YTHDC2: variants seen among roughly 807,000 people sequenced by gnomAD.
YTHDC2 encodes YTH N6-methyladenosine RNA binding protein C2.
In YTHDC2, 45 loss-of-function variants were observed where a neutral mutation model predicts 174.9. The ratio of observed to expected loss-of-function variants is 0.26; its 90% CI spans 0.20 to 0.33. YTHDC2 has a LOEUF of 0.33. YTHDC2 is among the 10% of genes least tolerant of loss of function. The probability of loss-of-function intolerance (pLI) is 1.00; values close to 1 mark genes in which losing one functional copy is unlikely to be tolerated. For missense variants in YTHDC2, 1,650 were observed against 1,723.7 expected, an observed-to-expected ratio of 0.96 and a Z score of 0.76; for synonymous variants, 657 against 574.5, an observed-to-expected ratio of 1.14 and a Z score of -2.05.
chr5:113,537,512 T>C (rs554044386), intron 7 of YTHDC2, among the ~76,000 whole-genome samples: 3 of 152,110 alleles, frequency 2.0e-5, no homozygotes, highest in Admixed American at 2.0e-4. Flanking sequence ...AATAGTGGTA[T>C]TCTCTAGAAT....
intron 20 of YTHDC2, 142 bp from the exon 21 acceptor site, chr5:113,565,751 C>T (rs771995085): frequency 4.6e-5 from 34 of 746,214 alleles, no homozygotes; most frequent in Admixed American, 2.0e-4. Context: ...ATTATTTGAT[C>T]ATAAAGTCTT....
At chr5:113,529,540 C>T (rs1480021947) in intron 4 of YTHDC2, among the ~76,000 whole-genome samples, 2 of 152,070 alleles carry the variant, frequency 1.3e-5, no homozygotes, top group Non-Finnish European at 2.9e-5. Flanking sequence ...AAAGCTTGGG[C>T]AAGAATGGAT....
At chr5:113,525,743 AT>A in intron 3 of YTHDC2, among the ~76,000 whole-genome samples, 1 of 152,280 alleles carries the variant, frequency 6.6e-6, no homozygotes. Flanking sequence ...GGGTTATAAA[AT>A]AAAGATGTAA....
rs181053167 is a variant in YTHDC2, at chr5:113,530,204, A to C, written c.676-2675A>C. Among the ~76,000 whole-genome samples the C allele has an allele frequency of 2.6e-4, 39 of 152,162 alleles. No individual in the cohort carries two copies. In the East Asian group the frequency reaches 6.9e-3, roughly 27 times the overall value. On this transcript the variant is annotated intron_variant, in intron 4 of 29. Coordinates refer to ENST00000161863, the MANE Select transcript of YTHDC2 (RefSeq NM_022828.5). The stretch of plus-strand genomic sequence containing the variant: ...CAGGTAGGAATTTTACTTTTTCTTC[A>C]TGTTATTTCCAGCTCAAATATAACT...
At chr5:113,583,492 A>G (rs115604889) in intron 25 of YTHDC2, 1 of 151,496 alleles carries the variant, frequency 6.6e-6, no homozygotes, top group Non-Finnish European at 1.5e-5. Flanking sequence ...ATTTATTTTT[A>G]TATTTTATTT....
chr5:113,585,200 T>TA (rs138455645), intron 26 of YTHDC2, among the ~76,000 whole-genome samples: 70 of 148,552 alleles, frequency 4.7e-4, no homozygotes, highest in African/African-American at 8.4e-4. Context: ...GTGGTTATAT[T>TA]AAAAAAAAAA....
At chr5:113,525,283 A>C (rs1177667361) in intron 3 of YTHDC2, 106 bp downstream of exon 3, 1 of 954,940 alleles carries the variant, frequency 1.0e-6, no homozygotes, top group Admixed American at 3.1e-5. Flanking sequence ...AGATTTCTCA[A>C]TTGGAATAGT....
chr5:113,518,651 C>G (rs1388488023), intron 2 of YTHDC2, among the ~76,000 whole-genome samples: 4 of 151,222 alleles, frequency 2.6e-5, no homozygotes. Context: ...TGAGAGGCCA[C>G]CTGGTGTAAA....
intron 26 of YTHDC2, among the ~76,000 whole-genome samples, chr5:113,586,332 G>C (rs1455043618): frequency 6.6e-6 from 1 of 151,846 alleles, no homozygotes; most frequent in Non-Finnish European, 1.5e-5. Flanking sequence ...TCAAATCTTA[G>C]TTCACTTTTT....
intron 10 of YTHDC2, 85 bp from the exon 11 acceptor site, chr5:113,548,456 T>C: frequency 2.3e-6 from 3 of 1,329,276 alleles, no homozygotes; most frequent in Non-Finnish European, 2.0e-6. Context: ...GAAACTCAGT[T>C]CTGCTATTTC....
At chr5:113,575,530 C>T (rs1475099829) in intron 23 of YTHDC2, among the ~76,000 whole-genome samples, 3 of 152,108 alleles carry the variant, frequency 2.0e-5, no homozygotes, top group African/African-American at 7.2e-5. Flanking sequence ...ACATGAAAAG[C>T]AGAAATGTGC....
At chr5:113,535,968 A>G (rs1397590097) in intron 7 of YTHDC2, among the ~76,000 whole-genome samples, 170 bp downstream of exon 7, 5 of 152,284 alleles carry the variant, frequency 3.3e-5, no homozygotes, top group South Asian at 2.1e-4. Flanking sequence ...CTCCTTTTCT[A>G]TCAACAGCTC....
At chr5:113,533,188 T>C (rs1561637064) in intron 5 of YTHDC2, 143 bp downstream of exon 5, 3 of 859,340 alleles carry the variant, frequency 3.5e-6, no homozygotes, top group Non-Finnish European at 5.2e-6. Context: ...ATTAAAGTCA[T>C]GTCTAAATCT....
chr5:113,574,742 C>A (rs529606948), intron 23 of YTHDC2, among the ~76,000 whole-genome samples: 2 of 152,306 alleles, frequency 1.3e-5, no homozygotes, highest in South Asian at 4.1e-4. Context: ...CAGCCCCCTT[C>A]CTAGGGATAT....
chr5:113,577,396 G>A (rs1343425384), intron 23 of YTHDC2, among the ~76,000 whole-genome samples: 1 of 152,064 alleles, frequency 6.6e-6, no homozygotes, highest in East Asian at 1.9e-4. Context: ...TTGAGACAGA[G>A]TCTTGGTCTG....
At chr5:113,516,958 T>C (rs540172365) in intron 2 of YTHDC2, among the ~76,000 whole-genome samples, 3 of 152,302 alleles carry the variant, frequency 2.0e-5, no homozygotes, top group Admixed American at 1.3e-4. Flanking sequence ...GCCCATCTTA[T>C]AGTCCACTAG....
At chr5:113,561,335 A>T (rs983991181) in intron 18 of YTHDC2, 150 bp downstream of exon 18, 1 of 470,804 alleles carries the variant, frequency 2.1e-6, no homozygotes, top group Non-Finnish European at 3.6e-6. Flanking sequence ...TCTATAACAA[A>T]TATTTTTTCT....
intron 7 of YTHDC2, among the ~76,000 whole-genome samples, chr5:113,538,732 T>A (rs1193266084): frequency 6.6e-6 from 1 of 152,128 alleles, no homozygotes; most frequent in Non-Finnish European, 1.5e-5. Flanking sequence ...TATTCTGGAT[T>A]TTTGGATTGA....
chr5:113,593,451 T>C, intron 29 of YTHDC2, 31 bp from the exon 30 acceptor site: 1 of 1,341,564 alleles, frequency 7.5e-7, no homozygotes, highest in Non-Finnish European at 1.0e-6. Flanking sequence ...CCTTTCAGAT[T>C]ATTTATCTTT....
Sources: gnomAD v4.1 joint callset for allele counts (sites outside exome capture counted in the v4.1 genomes callset) on GRCh38, gnomAD v4.1.1 for gene constraint, MANE v1.5 for transcripts, NCBI Gene and HGNC (gene_info 2026-07-23, HGNC 2026-07-21) for gene names.